The following SULF2 variants were observed in gnomAD, a reference collection of about 807,000 sequenced individuals.
The protein encoded by SULF2 is extracellular sulfatase Sulf-2.
SULF2 carries 52 observed loss-of-function variants against 107.7 expected under a neutral mutation model. The ratio of observed to expected loss-of-function variants is 0.48; its 90% confidence interval spans 0.39 to 0.61. The LOEUF is 0.61. Ranked by LOEUF, SULF2 falls within the 20% of genes least tolerant of loss-of-function variation. SULF2 has a pLI of 0.00. For missense variants in SULF2, 993 were observed against 1,177.3 expected (o/e 0.84, Z 2.29); for synonymous variants, 460 against 464.3 (o/e 0.99, Z 0.12).
In SULF2 at chr20:47,666,554, T is replaced by TG. The variant is rs1291210387; in HGVS notation, c.1577-67dup. On this transcript the variant is annotated intron_variant, in intron 11 of 20. Transcript: ENST00000688720. This position sits in a 1 kb window ranked among gnomAD's most constrained non-coding sequence, Gnocchi z 5.4. ...AAGGCTGGCCAGGCTCCCAGGGCAGTGGGTCCTTCATCAAGATAGGGCCGG... is the reference window on the plus strand; with the variant it reads ...AAGGCTGGCCAGGCTCCCAGGGCAGTGGGGTCCTTCATCAAGATAGGGCCGG... The TG allele has an allele frequency of 4.6e-6, 6 of 1,318,398 alleles. No homozygotes were observed. In the African/African-American group the frequency reaches 5.8e-5, roughly 13 times the overall value. The allele number at this position is 1,318,398 out of a possible 1,614,324, so 81.7% of individuals were successfully genotyped here.
chr20:47,762,668 CCTTTT>C (rs2090441866), intron 1 of SULF2, among the ~76,000 whole-genome samples: 1 of 152,198 alleles, frequency 6.6e-6, no homozygotes, highest in East Asian at 1.9e-4. Flanking sequence ...CCTCTGAGGG[CCTTTT>C]TGGCCCTGGG....
rs751373205 is a variant in SULF2 at position 47,683,183 on chromosome 20, G to A, written c.889-14C>T. The stretch of plus-strand genomic sequence containing the variant: ...CATGTTGTAAATCTGCAACACGGGC[G>A]AGGAGGCAAGGGACAGTGGGGACTG... On this transcript the variant is annotated splice_polypyrimidine_tract_variant and intron_variant, in intron 6 of 20. Transcript: ENST00000688720. 8.8e-6 allele frequency: 14 copies of A among 1,582,312 alleles called. No homozygotes were observed. The highest frequency in any genetic ancestry group is 1.7e-4 in the Middle Eastern group (1 of 5,950).
intron 5 of SULF2, chr20:47,685,437 G>C (rs1205596792): frequency 6.6e-6 from 1 of 152,274 alleles, no homozygotes; most frequent in Non-Finnish European, 1.5e-5. Flanking sequence ...ATGTTAGCCA[G>C]GATGGTCTCG....
At chr20:47,741,251 C>T (rs2089872975) in intron 2 of SULF2, among the ~76,000 whole-genome samples, 2 of 151,936 alleles carry the variant, frequency 1.3e-5, no homozygotes, top group African/African-American at 4.8e-5. Context: ...TCCCTAACCC[C>T]ATCCCCCTCT....
Position 47,663,068 on chromosome 20 carries a change from AC to A in SULF2, c.2370+1del. The A allele has an allele frequency of 6.2e-7, 1 of 1,614,098 alleles. No homozygotes were observed. The highest frequency in any genetic ancestry group is 1.1e-5 in the South Asian group (1 of 91,080). ...CATCCCTCTAGCTCGGGTTGCCTGT[AC>A]CTGGTAGGGGTCTGTGTTGAGATCA... On this transcript the variant is annotated splice_donor_variant, in intron 17 of 20. Coordinates refer to ENST00000688720, the MANE Select transcript of SULF2 (RefSeq NM_001387048.1). LOFTEE classifies it high-confidence loss of function.
intron 3 of SULF2, among the ~76,000 whole-genome samples, chr20:47,719,862 C>A (rs569357789): frequency 5.3e-5 from 8 of 152,350 alleles, no homozygotes; most frequent in Non-Finnish European, 7.3e-5. Context: ...TAAAACCTGG[C>A]AGCAGACTCC....
chr20:47,783,188 A>G (rs1176760184), intron 1 of SULF2, among the ~76,000 whole-genome samples: 1 of 151,892 alleles, frequency 6.6e-6, no homozygotes, highest in Non-Finnish European at 1.5e-5. Context: ...AGTGTTACCA[A>G]TTATCTTAAG....
In SULF2 at chr20:47,658,302, T is replaced by G; in HGVS notation, c.*60A>C. The G allele has an allele frequency of 1.3e-6, 2 of 1,584,562 alleles. No homozygotes were observed. Among genetic ancestry groups the G allele is most frequent in the Non-Finnish European group, 1.7e-6 (2 of 1,153,010 alleles). On this transcript the variant is annotated 3_prime_UTR_variant, in exon 21 of 21. Transcript: ENST00000688720. ...TGCTGGAAATCACCCACATGGTTTT[T>G]CATTGCCTGTGCAGTCAGGTGATGC...
intron 1 of SULF2, among the ~76,000 whole-genome samples, chr20:47,769,822 G>T (rs1474316175): frequency 6.6e-6 from 1 of 152,110 alleles, no homozygotes; most frequent in African/African-American, 2.4e-5. Flanking sequence ...AAATAGGTTG[G>T]GTAGCGAAGG....
intron 4 of SULF2, among the ~76,000 whole-genome samples, chr20:47,693,121 A>G (rs1338150417): frequency 3.9e-5 from 6 of 152,238 alleles, no homozygotes; most frequent in Admixed American, 3.9e-4. Context: ...GCTCTACAGA[A>G]TTTATTACAT....
At chr20:47,682,591 C>T (rs1377150618) in intron 7 of SULF2, among the ~76,000 whole-genome samples, 1 of 152,216 alleles carries the variant, frequency 6.6e-6, no homozygotes, top group Non-Finnish European at 1.5e-5. Flanking sequence ...CCAGAGTTGG[C>T]TCAGCTGATC....
At chr20:47,686,588 C>T (rs529133514) in intron 5 of SULF2, among the ~76,000 whole-genome samples, 14 of 152,126 alleles carry the variant, frequency 9.2e-5, no homozygotes, top group Admixed American at 1.3e-4. Flanking sequence ...GGAGCTCCCG[C>T]GAAGAAGAGG....
chr20:47,776,384 T>C (rs1204098324), intron 1 of SULF2, among the ~76,000 whole-genome samples: 3 of 152,222 alleles, frequency 2.0e-5, no homozygotes, highest in Non-Finnish European at 4.4e-5. Flanking sequence ...GTCTCTTTCC[T>C]CCTTTGTAAA....
intron 2 of SULF2, among the ~76,000 whole-genome samples, chr20:47,750,822 C>T (rs562463194): frequency 2.6e-5 from 4 of 152,234 alleles, no homozygotes; most frequent in Admixed American, 1.3e-4. Context: ...GAGACCGCAT[C>T]TGCCTCAGGG....
intron 6 of SULF2, 21 bp from the exon 7 acceptor site, chr20:47,683,190 C>A: frequency 6.4e-7 from 1 of 1,574,728 alleles, no homozygotes; most frequent in Non-Finnish European, 8.7e-7. Flanking sequence ...GGCGAGGAGG[C>A]AAGGGACAGT....
chr20:47,666,416 T>C lies in SULF2; in HGVS notation c.1649A>G (p.His550Arg), dbSNP rs1277983215. Reference protein sequence around the residue: ...VAIEVDGRVYHVGLGDAAQPR... With the variant: ...VAIEVDGRVYRVGLGDAAQPR... ...CTGGGCGGCATCACCCAGGCCTACGTGGTACACCCTGCCGTCCACCTCGAT... is the reference window on the plus strand; with the variant it reads ...CTGGGCGGCATCACCCAGGCCTACGCGGTACACCCTGCCGTCCACCTCGAT... Residue 550 changes from histidine to arginine, a missense_variant, in exon 12 of 21, where the codon CAC (histidine) becomes CGC (arginine). This residue lies in a region of SULF2 where 497 missense variants were observed against 544.1 expected (regional missense o/e 0.91). Transcript: ENST00000688720. This position sits in a 1 kb window ranked among gnomAD's most constrained non-coding sequence, Gnocchi z 5.4. The C allele has an allele frequency of 5.0e-6, 8 of 1,613,910 alleles. No homozygotes were observed. The highest frequency in any genetic ancestry group is 6.8e-6 in the Non-Finnish European group (8 of 1,180,026).
chr20:47,673,008 G>A (rs1485889424), intron 10 of SULF2, among the ~76,000 whole-genome samples: 1 of 152,208 alleles, frequency 6.6e-6, no homozygotes, highest in East Asian at 1.9e-4. Flanking sequence ...CTCAATCAGT[G>A]CAGTGTGTGC....
rs866502774 is a variant in SULF2, at chr20:47,665,063, G to A, written c.1997+136C>T. On this transcript the variant is annotated intron_variant, in intron 14 of 20. Coordinates refer to ENST00000688720, the MANE Select transcript of SULF2 (RefSeq NM_001387048.1). Reference sequence around the variant, plus strand: ...GGCTGACAACAGGGAGGTAAATTACGGATTTTTTTAATGCCATGAGGGGAG... The same window carrying A: ...GGCTGACAACAGGGAGGTAAATTACAGATTTTTTTAATGCCATGAGGGGAG... 57 of 713,170 alleles carry A rather than the reference G, an allele frequency of 8.0e-5. No individual in the cohort carries two copies. The Middle Eastern group carries it at 1.7e-3, about 22-fold the overall frequency. The allele number at this position is 713,170 out of a possible 1,614,324, so 44.2% of individuals were successfully genotyped here. A position where few individuals can be genotyped will look rare whatever the true frequency, so the allele number is the denominator to read the frequency against.
chr20:47,707,633 C>G (rs955332229), intron 3 of SULF2, among the ~76,000 whole-genome samples: 6 of 152,160 alleles, frequency 3.9e-5, no homozygotes, highest in African/African-American at 1.2e-4. Context: ...TGCGGACCCC[C>G]CCAGCACTCA....
Sources: allele counts gnomAD v4.1 joint callset (sites outside exome capture counted in the v4.1 genomes callset), GRCh38; gene constraint gnomAD v4.1.1; regional missense constraint gnomAD v4.1.1; non-coding constraint Gnocchi (gnomAD v3.1); transcripts MANE v1.5; gene names NCBI Gene and HGNC (gene_info 2026-07-23, HGNC 2026-07-21).